The following ABCB1 variants were observed in gnomAD, a reference collection of about 807,000 sequenced individuals.
ABCB1 encodes the protein ATP-dependent translocase ABCB1.
Under a neutral mutation model 142.0 loss-of-function variants are expected in ABCB1, and 69 were observed. The ratio of observed to expected loss-of-function variants is 0.49; its 90% CI spans 0.40 to 0.59. The LOEUF (loss-of-function observed/expected upper bound fraction) is 0.59. Among genes scored for constraint, ABCB1 ranks in the 20% least tolerant of loss-of-function variants. The probability of loss-of-function intolerance (pLI) is 0.00; values close to 1 mark genes in which losing one functional copy is unlikely to be tolerated. For missense variants in ABCB1, 1,326 were observed against 1,554.7 expected (o/e 0.85, Z 2.47); for synonymous variants, 532 against 539.2 (o/e 0.99, Z 0.18).
At chr7:87,550,622 T>C (rs767050010) in intron 10 of ABCB1, 44 bp from the exon 11 acceptor site, 1 of 1,584,838 alleles carries the variant, frequency 6.3e-7, no homozygotes, top group Non-Finnish European at 8.7e-7. Context: ...TTACAATAAC[T>C]ACTTTTAGTG....
At chr7:87,608,762 CGTTCACTCACTT>C (rs1819749022) in intron 1 of ABCB1, among the ~76,000 whole-genome samples, 1 of 152,100 alleles carries the variant, frequency 6.6e-6, no homozygotes, top group Non-Finnish European at 1.5e-5. Context: ...AATGAGGTAA[CGTTCACTCACTT>C]ATTTCTTTAG....
At chr7:87,508,955 G>A (rs1018106648) in intron 26 of ABCB1, among the ~76,000 whole-genome samples, 1 of 152,182 alleles carries the variant, frequency 6.6e-6, no homozygotes, top group Non-Finnish European at 1.5e-5. Context: ...TACCCCTAAG[G>A]CTGACAAAGG....
At chr7:87,600,301 C>A in intron 1 of ABCB1, 111 bp from the exon 2 acceptor site, 1 of 856,898 alleles carries the variant, frequency 1.2e-6, no homozygotes, top group South Asian at 1.4e-5. Context: ...AGGGAGCGCC[C>A]GCCGTTGATG....
intron 3 of ABCB1, among the ~76,000 whole-genome samples, chr7:87,587,614 G>A (rs1487179173): frequency 6.6e-6 from 1 of 152,144 alleles, no homozygotes; most frequent in East Asian, 1.9e-4. Context: ...GCTCACACCT[G>A]TAATCCCAGC....
intron 26 of ABCB1, among the ~76,000 whole-genome samples, chr7:87,506,424 T>G (rs748851709): frequency 2.0e-4 from 31 of 152,208 alleles, no homozygotes; most frequent in Non-Finnish European, 3.4e-4. Context: ...CTCATCTTAC[T>G]TGTAACCAGC....
At chr7:87,516,305 ATTCCTATTTCCCT>A (rs1434600974) in intron 24 of ABCB1, among the ~76,000 whole-genome samples, 191 bp downstream of exon 24, 5 of 152,236 alleles carry the variant, frequency 3.3e-5, no homozygotes, top group African/African-American at 1.2e-4. Flanking sequence ...AGTGAGCAGT[ATTCCTATTTCCCT>A]ATAACCTTTG....
intron 25 of ABCB1, among the ~76,000 whole-genome samples, chr7:87,513,800 G>A (rs1406378569): frequency 6.6e-6 from 1 of 152,108 alleles, no homozygotes; most frequent in Non-Finnish European, 1.5e-5. Flanking sequence ...AAGTATTTGA[G>A]GGCAGATATC....
At chr7:87,613,026 T>C (rs1346523542) in intron 1 of ABCB1, among the ~76,000 whole-genome samples, 2 of 149,278 alleles carry the variant, frequency 1.3e-5, no homozygotes, top group South Asian at 4.2e-4. Context: ...TTTTTTTTTT[T>C]TAATCTATTG....
At chr7:87,574,216 G>A (rs1818181814) in intron 4 of ABCB1, among the ~76,000 whole-genome samples, 1 of 152,108 alleles carries the variant, frequency 6.6e-6, no homozygotes, top group Admixed American at 6.6e-5. Context: ...AGACACGGAA[G>A]GAACAGAATG....
chr7:87,702,936 C>CAACT (rs2130706142), intron 1 of ABCB1, among the ~76,000 whole-genome samples: 1 of 152,266 alleles, frequency 6.6e-6, no homozygotes, highest in South Asian at 2.1e-4. Context: ...CTAACTAACT[C>CAACT]AACTAACTCA....
chr7:87,660,051 G>A (rs1824529552), intron 1 of ABCB1, among the ~76,000 whole-genome samples: 1 of 152,118 alleles, frequency 6.6e-6, no homozygotes. Flanking sequence ...GTGTTTATGA[G>A]TAAAATTAGT....
At chr7:87,565,468 G>A in intron 7 of ABCB1, 1 of 455,592 alleles carries the variant, frequency 2.2e-6, no homozygotes, top group Non-Finnish European at 4.4e-6. Flanking sequence ...CTGCCTTCAT[G>A]ACAGGAGAGA....
At chr7:87,712,768 A>G (rs1830202464) in intron 1 of ABCB1, among the ~76,000 whole-genome samples, 1 of 152,104 alleles carries the variant, frequency 6.6e-6, no homozygotes, top group South Asian at 2.1e-4. Context: ...ACCATACATA[A>G]ACATACAGTC....
intron 14 of ABCB1, among the ~76,000 whole-genome samples, chr7:87,547,731 G>A (rs1226164935): frequency 1.3e-5 from 2 of 151,862 alleles, no homozygotes; most frequent in Non-Finnish European, 2.9e-5. Context: ...TTAGCCAGGT[G>A]TGGCGGTGCA....
chr7:87,637,237 G>C (rs1212230713), intron 1 of ABCB1, among the ~76,000 whole-genome samples: 1 of 152,134 alleles, frequency 6.6e-6, no homozygotes, highest in Non-Finnish European at 1.5e-5. Context: ...TAGGTGACTG[G>C]ATAATTTGTG....
intron 1 of ABCB1, among the ~76,000 whole-genome samples, chr7:87,704,135 G>A (rs931656028): frequency 6.6e-6 from 1 of 151,602 alleles, no homozygotes; most frequent in Non-Finnish European, 1.5e-5. Flanking sequence ...TGGCCAGGCT[G>A]GTCTCGAACT....
intron 1 of ABCB1, among the ~76,000 whole-genome samples, chr7:87,659,844 A>G (rs992506357): frequency 1.3e-5 from 2 of 152,148 alleles, no homozygotes; most frequent in African/African-American, 4.8e-5. Context: ...GCAGGAGGAA[A>G]ATACATCTAC....
intron 3 of ABCB1, 21 bp downstream of exon 3, chr7:87,595,745 G>A (rs775388896): frequency 6.4e-7 from 1 of 1,571,126 alleles, no homozygotes; most frequent in Admixed American, 1.7e-5. Context: ...ATTTTGAATA[G>A]TTAATAAATT....
At chr7:87,645,145 C>T (rs1012968519) in intron 1 of ABCB1, among the ~76,000 whole-genome samples, 45 of 150,310 alleles carry the variant, frequency 3.0e-4, no homozygotes, top group Middle Eastern at 3.5e-3. Context: ...TGCAGTGGCA[C>T]GATCTCGGAT....
Sources: gnomAD v4.1 joint callset for allele counts (sites outside exome capture counted in the v4.1 genomes callset) on GRCh38, gnomAD v4.1.1 for gene constraint, MANE v1.5 for transcripts, NCBI Gene and HGNC (gene_info 2026-07-23, HGNC 2026-07-21) for gene names.